The following RNF215 variants were observed in gnomAD, a reference collection of about 807,000 sequenced individuals.
RNF215 encodes the protein ring finger protein 215.
Under a neutral mutation model 44.8 loss-of-function variants are expected in RNF215, and 41 were observed. The ratio of observed to expected loss-of-function variants is 0.92; its 90% CI spans 0.71 to 1.19. The LOEUF is 1.19. Ranked by LOEUF, RNF215 falls within the 50% of genes most tolerant of loss-of-function variation. The probability of loss-of-function intolerance (pLI) is 0.00; values close to 1 mark genes in which losing one functional copy is unlikely to be tolerated. For missense variants in RNF215, 452 were observed against 496.2 expected (o/e 0.91, Z 0.85); for synonymous variants, 218 against 230.1 (o/e 0.95, Z 0.48).
intron 5 of RNF215, among the ~76,000 whole-genome samples, chr22:30,382,470 A>G (rs17658238): frequency 0.2 from 30,687 of 151,750 alleles, 3,350 homozygotes; most frequent in Middle Eastern, 0.36. Flanking sequence ...AGTGTTGGGT[A>G]TTGGAAATCC....
rs1933614193 is a variant in RNF215, at chr22:30,387,163, C to A, written c.151G>T (p.Gly51Trp). 3 of 1,193,600 alleles carry A rather than the reference C, an allele frequency of 2.5e-6. No homozygotes were observed. Among genetic ancestry groups the A allele is most frequent in the Middle Eastern group, 3.3e-4 (1 of 3,014 alleles). 73.9% of individuals were successfully genotyped at this position (1,193,600 alleles called of 1,614,324 possible). The change falls in exon 1 of 9, where the codon GGG becomes TGG. Residue 51 changes from glycine (G) to tryptophan (W), a missense_variant. Gly to Trp is a radical substitution (Grantham distance 184). Transcript: ENST00000382363. ...AAADGSEPAA[G>W]AGRGGARAVR... is the part of the protein sequence containing the mutation. ...GCGCGGGCTCCGCCCCGCCCCGCCC[C>A]GGCCGCCGGCTCGCTGCCGTCCGCC...
rs1933484654 is a variant in RNF215, at chr22:30,379,291, T to C, written c.*309A>G. ...TGGCGACAGCTACACTGGCCCCATA[T>C]TCTCTTTCCTTATTGACCTGGGAGC... is the stretch of plus-strand genomic sequence containing the variant. On this transcript the variant is annotated 3_prime_UTR_variant, in exon 9 of 9. Transcript: ENST00000382363. 1 of 436,670 alleles carries C rather than the reference T, an allele frequency of 2.3e-6. No individual in the cohort carries two copies. The highest frequency in any genetic ancestry group is 4.2e-6 in the Non-Finnish European group (1 of 236,952). 27.0% of individuals were successfully genotyped at this position (436,670 alleles called of 1,614,324 possible). A position where few individuals can be genotyped will look rare whatever the true frequency, so the allele number is the denominator to read the frequency against.
chr22:30,381,379 C>T (rs1362566647), intron 5 of RNF215, among the ~76,000 whole-genome samples: 1 of 152,140 alleles, frequency 6.6e-6, no homozygotes, highest in African/African-American at 2.4e-5. Context: ...GCCTGGGGGC[C>T]CCGGGCCCCT....
At chr22:30,385,169 C>G (rs1601759707) in intron 4 of RNF215, among the ~76,000 whole-genome samples, 1 of 151,880 alleles carries the variant, frequency 6.6e-6, no homozygotes, top group East Asian at 2.0e-4. Context: ...CACCTGTAAT[C>G]CCAGCACTTT....
At chr22:30,382,919 T>G (rs773447496) in intron 5 of RNF215, among the ~76,000 whole-genome samples, 5 of 152,078 alleles carry the variant, frequency 3.3e-5, no homozygotes, top group African/African-American at 4.8e-5. Context: ...CTGGGCAACA[T>G]AGTGAAACCC....
intron 5 of RNF215, among the ~76,000 whole-genome samples, chr22:30,383,919 C>T (rs1043086134): frequency 3.9e-5 from 6 of 152,166 alleles, no homozygotes; most frequent in Non-Finnish European, 7.3e-5. Flanking sequence ...AAGGTGTCCA[C>T]GTCTACAGCC....
Position 30,387,146 on chromosome 22 carries a change from T to C in RNF215, c.168A>G (p.Gly56=). 1 of 1,413,758 alleles carries C rather than the reference T, an allele frequency of 7.1e-7. No individual in the cohort carries two copies. Among genetic ancestry groups the C allele is most frequent in the Non-Finnish European group, 9.3e-7 (1 of 1,079,776 alleles). 87.6% of individuals were successfully genotyped at this position (1,413,758 alleles called of 1,614,324 possible). A position where few individuals can be genotyped will look rare whatever the true frequency, so the allele number is the denominator to read the frequency against. The change falls in exon 1 of 9, where the codon GGA becomes GGG. Residue 56 remains glycine, a synonymous_variant. Coordinates refer to ENST00000382363, the MANE Select transcript of RNF215 (RefSeq NM_001017981.2). The stretch of plus-strand genomic sequence containing the variant: ...TCACGTCCACCCGCACGGCGCGGGC[T>C]CCGCCCCGCCCCGCCCCGGCCGCCG... The part of the protein sequence containing the change: ...SEPAAGAGRG[G]ARAVRVDVRL...
At chr22:30,382,909 C>T (rs1190398857) in intron 5 of RNF215, among the ~76,000 whole-genome samples, 2 of 152,150 alleles carry the variant, frequency 1.3e-5, no homozygotes, top group Non-Finnish European at 2.9e-5. Context: ...CGAGACCAGC[C>T]TGGGCAACAT....
intron 5 of RNF215, 151 bp downstream of exon 5, chr22:30,384,188 G>T: frequency 1.2e-6 from 1 of 804,956 alleles, no homozygotes; most frequent in Non-Finnish European, 1.9e-6. Flanking sequence ...CCTACACCAT[G>T]TCTCTGAACA....
chr22:30,386,238 A>T, intron 2 of RNF215, 97 bp from the exon 3 acceptor site: 1 of 1,183,400 alleles, frequency 8.5e-7, no homozygotes, highest in South Asian at 1.4e-5. Context: ...CTGGCCCTGC[A>T]GTGAGCAAAA....
rs558566770 is a variant in RNF215 at position 30,387,366 on chromosome 22, G to C, written c.-53C>G. 1.2e-4 allele frequency: 123 copies of C among 1,032,562 alleles called. No individual in the cohort carries two copies. The highest frequency in any genetic ancestry group is 4.5e-4 in the South Asian group (10 of 22,468). 64.0% of individuals were successfully genotyped at this position (1,032,562 alleles called of 1,614,324 possible). On this transcript the variant is annotated 5_prime_UTR_variant, in exon 1 of 9. Transcript: ENST00000382363. ...GTGGGGCCAGGGGTCCCGGGCGCGG[G>C]GGGGATCGGAGGGAGCGAGGCCGCT...
chr22:30,379,817 CA>C lies in RNF215; in HGVS notation c.1009-5del. On this transcript the variant is annotated splice_region_variant and splice_polypyrimidine_tract_variant and intron_variant, in intron 7 of 8. Coordinates refer to ENST00000382363, the MANE Select transcript of RNF215 (RefSeq NM_001017981.2). Reference sequence around the variant, plus strand: ...TACAGGGCAGCACCCGGAGCCACTACAGGGGTGGGGGAGGAAGGGCTCAGGT... The same window carrying C: ...TACAGGGCAGCACCCGGAGCCACTACGGGGTGGGGGAGGAAGGGCTCAGGT... The C allele has an allele frequency of 6.4e-7, 1 of 1,573,818 alleles. No individual in the cohort carries two copies. Among genetic ancestry groups the C allele is most frequent in the Non-Finnish European group, 8.6e-7 (1 of 1,161,550 alleles).
chr22:30,380,310 C>T lies in RNF215; in HGVS notation c.836G>A (p.Arg279Gln), dbSNP rs767885263. ...GCCTCCGAGCTCCCGCTGGCTCTGCCGCGACGCCTGCCGCTGGGCCTGGAC... is the reference window on the plus strand; with the variant it reads ...GCCTCCGAGCTCCCGCTGGCTCTGCTGCGACGCCTGCCGCTGGGCCTGGAC... ...LVVQAQRQASRQSQRELGGQV... is the reference protein window; with the variant it reads ...LVVQAQRQASQQSQRELGGQV... Residue 279 changes from arginine to glutamine, a missense_variant, in exon 6 of 9, where the codon CGG (arginine) becomes CAG (glutamine). Physicochemically the swap from Arg to Gln is conservative, Grantham distance 43 (BLOSUM62 1). Transcript: ENST00000382363. The surrounding 1 kb of genome is among the most constrained non-coding windows in gnomAD (Gnocchi z 5.3). The T allele has an allele frequency of 9.3e-6, 15 of 1,610,924 alleles. No homozygotes were observed. The highest frequency in any genetic ancestry group is 6.7e-5 in the East Asian group (3 of 44,840).
In RNF215 at chr22:30,380,112, G is replaced by T; in HGVS notation, c.958C>A (p.Pro320Thr). The T allele has an allele frequency of 6.2e-7, 1 of 1,613,948 alleles. No individual in the cohort carries two copies. Among genetic ancestry groups the T allele is most frequent in the Non-Finnish European group, 8.5e-7 (1 of 1,179,980 alleles). Residue 320 changes from proline to threonine, a missense_variant, in exon 7 of 9, where the codon CCG becomes ACG. By Grantham distance (38) the Pro-to-Thr change is conservative. Transcript: ENST00000382363. The surrounding 1 kb of genome is among the most constrained non-coding windows in gnomAD (Gnocchi z 5.3). ...CACACCGCACAGGTCTCAGCACCCG[G>T]ATCTGGGAGGCCCTGCGCTGCCCTG... ...LSRAAQGLPD[P>T]GAETCAVCLD...
chr22:30,384,815 CTT>C (rs34475564), intron 4 of RNF215: 1,977 of 171,534 alleles, frequency 0.012, no homozygotes, highest in South Asian at 0.034. Context: ...GACAGTCTTT[CTT>C]TTTTTTTTTT....
chr22:30,379,366 A>C lies in RNF215; in HGVS notation c.*234T>G. The C allele has an allele frequency of 1.7e-6, 1 of 590,334 alleles. No individual in the cohort carries two copies. 36.6% of individuals were successfully genotyped at this position (590,334 alleles called of 1,614,324 possible). Reference sequence around the variant, plus strand: ...GTCACAGGATTGCAGAGAAGGTCCCAAAGTGACCTCTCTTCCTTGACTGAC... The same window carrying C: ...GTCACAGGATTGCAGAGAAGGTCCCCAAGTGACCTCTCTTCCTTGACTGAC... On this transcript the variant is annotated 3_prime_UTR_variant, in exon 9 of 9. Coordinates refer to ENST00000382363, the MANE Select transcript of RNF215 (RefSeq NM_001017981.2).
At chr22:30,382,938 C>CA (rs1933547935) in intron 5 of RNF215, among the ~76,000 whole-genome samples, 1 of 152,112 alleles carries the variant, frequency 6.6e-6, no homozygotes, top group African/African-American at 2.4e-5. Context: ...CCCATCTCTA[C>CA]AAAAAATACA....
At position 30,379,639 on chromosome 22, in the gene RNF215, G is replaced by T. The variant is rs1274709497; in HGVS notation, c.1112-17C>A. The T allele has an allele frequency of 1.3e-6, 2 of 1,551,800 alleles. No individual in the cohort carries two copies. Among genetic ancestry groups the T allele is most frequent in the Non-Finnish European group, 1.7e-6 (2 of 1,147,122 alleles). Reference sequence around the variant, plus strand: ...AGCGGTTCCCTGCAGGGGAGGGGAAGAAGAACAGGGAGAGAGGCATCAGGT... The same window carrying T: ...AGCGGTTCCCTGCAGGGGAGGGGAATAAGAACAGGGAGAGAGGCATCAGGT... On this transcript the variant is annotated splice_polypyrimidine_tract_variant and intron_variant, in intron 8 of 8. Transcript: ENST00000382363.
chr22:30,379,547 C>A lies in RNF215; in HGVS notation c.*53G>T. The A allele has an allele frequency of 1.9e-6, 3 of 1,544,280 alleles. No homozygotes were observed. The highest frequency in any genetic ancestry group is 1.7e-6 in the Non-Finnish European group (2 of 1,145,528). ...CTGTCCTGGGAGCCCAGGCTGAGGA[C>A]CGGGGTGCAGGCAGGAAGGGTCCAT... On this transcript the variant is annotated 3_prime_UTR_variant, in exon 9 of 9. Coordinates refer to ENST00000382363, the MANE Select transcript of RNF215 (RefSeq NM_001017981.2).
Sources: allele counts gnomAD v4.1 joint callset (sites outside exome capture counted in the v4.1 genomes callset), GRCh38; gene constraint gnomAD v4.1.1; non-coding constraint Gnocchi (gnomAD v3.1); transcripts MANE v1.5; gene names NCBI Gene and HGNC (gene_info 2026-07-23, HGNC 2026-07-21).